The following MUS81 variants were observed in gnomAD, a reference collection of about 807,000 sequenced individuals.
The protein encoded by MUS81 is structure-specific endonuclease subunit MUS81.
MUS81 carries 69 observed loss-of-function variants against 74.2 expected under a neutral mutation model. The observed-to-expected ratio is 0.93, with a 90% CI of 0.77 to 1.14. MUS81 has a LOEUF of 1.14. Among genes scored for constraint, MUS81 ranks in the 50% most tolerant of loss-of-function variants. MUS81 has a pLI of 0.00. For missense variants in MUS81, 711 were observed against 726.5 expected (o/e 0.98, Z 0.25); for synonymous variants, 303 against 300.6 (o/e 1.01, Z -0.08).
intron 3 of MUS81, 50 bp from the exon 4 acceptor site, chr11:65,861,897 C>G (rs1859620151): frequency 1.4e-6 from 2 of 1,471,820 alleles, no homozygotes; most frequent in African/African-American, 2.8e-5. Flanking sequence ...GGGACTTATT[C>G]AAAGATGACT....
Position 65,861,931 on chromosome 11 carries a change from C to A in MUS81, c.352-16C>A, listed in dbSNP as rs779397880. The A allele has an allele frequency of 5.0e-6, 8 of 1,596,150 alleles. No individual in the cohort carries two copies. In the East Asian group the frequency reaches 1.8e-4, roughly 36 times the overall value. ...CTGGCTGGCTTTCATGTTCAGAACT[C>A]CTCTGTACCTTTCAGGTTCCTGCCC... On this transcript the variant is annotated splice_polypyrimidine_tract_variant and intron_variant, in intron 3 of 15. Transcript: ENST00000308110.
At position 65,861,588 on chromosome 11, in the gene MUS81, C is replaced by T; in HGVS notation, c.351+153C>T. On this transcript the variant is annotated intron_variant, in intron 3 of 15. Transcript: ENST00000308110. ...TCCTCTTTTCGACTTAGTATTTTAA[C>T]CTGTGAATAGAAATATTGGTAACAG... 6.2e-6 allele frequency: 4 copies of T among 640,900 alleles called. No individual in the cohort carries two copies. In the South Asian group the frequency reaches 7.8e-5, roughly 12 times the overall value. 39.7% of individuals were successfully genotyped at this position (640,900 alleles called of 1,614,324 possible).
downstream of MUS81, chr11:65,867,068 G>T: frequency 6.2e-7 from 1 of 1,614,096 alleles, no homozygotes; most frequent in Non-Finnish European, 8.5e-7. Flanking sequence ...TGGCGCTGAC[G>T]TTGTTGATTT....
chr11:65,863,373 G>A, intron 7 of MUS81, 37 bp from the exon 8 acceptor site: 2 of 1,612,460 alleles, frequency 1.2e-6, no homozygotes, highest in South Asian at 1.1e-5. Flanking sequence ...CCTGGCACAA[G>A]GGGTTCTGGC....
At chr11:65,865,360 T>C (rs1433317606) in intron 14 of MUS81, 37 bp downstream of exon 14, 1 of 1,578,568 alleles carries the variant, frequency 6.3e-7, no homozygotes, top group Admixed American at 1.8e-5. Context: ...CCTCAGCCCC[T>C]GCCCTCCATG....
Position 65,861,410 on chromosome 11 carries a change from C to T in MUS81, c.326C>T (p.Ala109Val), listed in dbSNP as rs1859599321. The change falls in exon 3 of 16, where the codon GCG becomes GTG. Residue 109 changes from alanine (A) to valine (V), a missense_variant. Coordinates refer to ENST00000308110, the MANE Select transcript of MUS81 (RefSeq NM_025128.5). ...ENSPAPQGRL[A>V]EVQDSSMPVP... ...AGTCCAGCCCCGCAGGGGCGACTTG[C>T]GGAAGTCCAGGACTCTTCCATGCCA... 6.2e-7 allele frequency: 1 copy of T among 1,604,012 alleles called. No homozygotes were observed. The highest frequency in any genetic ancestry group is 8.5e-7 in the Non-Finnish European group (1 of 1,174,426).
In MUS81 at chr11:65,861,057, T is replaced by C. The variant is rs1859580858; in HGVS notation, c.220T>C (p.Cys74Arg). The C allele has an allele frequency of 6.2e-7, 1 of 1,612,524 alleles. No individual in the cohort carries two copies. The highest frequency in any genetic ancestry group is 1.7e-5 in the Admixed American group (1 of 60,006). ...KILQHFGDGLCRMLDERLQRH... is the reference protein window; with the variant it reads ...KILQHFGDGLRRMLDERLQRH... ...CCTACAGCACTTCGGAGACGGGCTC[T>C]GCCGGATGCTGGACGAGCGGCTGCA... The change falls in exon 2 of 16, where the codon TGC becomes CGC. Residue 74 changes from cysteine (C) to arginine (R), a missense_variant. Transcript: ENST00000308110.
chr11:65,861,658 CAGTT>C (rs1251671534), intron 3 of MUS81: 2 of 603,308 alleles, frequency 3.3e-6, no homozygotes, highest in Non-Finnish European at 5.9e-6. Context: ...GATCCCAGCT[CAGTT>C]AGTTACGGGG....
In MUS81 at chr11:65,866,028, C is replaced by T; in HGVS notation, c.1632C>T (p.Tyr544=). 6.2e-7 allele frequency: 1 copy of T among 1,614,128 alleles called. No homozygotes were observed. The highest frequency in any genetic ancestry group is 1.1e-5 in the South Asian group (1 of 91,090). ...TGAGCAGGACCTTATCCCAGCTCTA[C>T]TGCAGCTACGGCCCCTTGACCTGAG... ...PALSRTLSQL[Y]CSYGPLT The change falls in exon 16 of 16, where the codon TAC becomes TAT. Residue 544 remains tyrosine, a synonymous_variant. Transcript: ENST00000308110.
intron 10 of MUS81, 112 bp from the exon 11 acceptor site, chr11:65,864,385 G>A (rs936982901): frequency 2.8e-5 from 26 of 938,396 alleles, no homozygotes; most frequent in Non-Finnish European, 3.7e-5. Flanking sequence ...AGGATGCAGA[G>A]GCTAACTGGT....
intron 12 of MUS81, 78 bp downstream of exon 12, chr11:65,864,893 A>G: frequency 1.3e-6 from 2 of 1,580,312 alleles, no homozygotes; most frequent in South Asian, 1.1e-5. Flanking sequence ...TGCATCCCCA[A>G]AAGAAGCAAG....
chr11:65,863,779 A>C (rs775603411), intron 9 of MUS81, 25 bp from the exon 10 acceptor site: 4 of 1,614,012 alleles, frequency 2.5e-6, no homozygotes, highest in Non-Finnish European at 3.4e-6. Context: ...AGGGGATCGC[A>C]AGCTAACGGC....
chr11:65,865,128 G>A lies in MUS81; in HGVS notation c.1384G>A (p.Gly462Arg), dbSNP rs2134738898. ...SLLTFSDFNA[G>R]AIKNKAQSVR... is the part of the protein sequence containing the mutation. ...CCTCACCTTCAGTGACTTCAACGCA[G>A]GAGCCATCAAGAATAAGGTACTGTC... The change falls in exon 13 of 16, where the codon GGA (glycine) becomes AGA (arginine). Residue 462 changes from glycine (G) to arginine (R), a missense_variant. Coordinates refer to ENST00000308110, the MANE Select transcript of MUS81 (RefSeq NM_025128.5). 3 of 1,614,206 alleles carry A rather than the reference G, an allele frequency of 1.9e-6. No individual in the cohort carries two copies. In the East Asian group the frequency reaches 6.7e-5, roughly 36 times the overall value.
chr11:65,860,776 G>A lies in MUS81; in HGVS notation c.23G>A (p.Gly8Asp). Reference protein sequence around the residue: MAAPVRLGRKRPLPACPN... With the variant: MAAPVRLDRKRPLPACPN... ...CTCATGGCGGCCCCGGTCCGCCTGG[G>A]CCGGAAGCGCCCGCTGCCTGCCTGT... Residue 8 changes from glycine to aspartate, a missense_variant, in exon 1 of 16, where the codon GGC (glycine) becomes GAC (aspartate). Coordinates refer to ENST00000308110, the MANE Select transcript of MUS81 (RefSeq NM_025128.5). The A allele has an allele frequency of 1.3e-6, 2 of 1,536,426 alleles. No homozygotes were observed. Among genetic ancestry groups the A allele is most frequent in the Non-Finnish European group, 1.7e-6 (2 of 1,146,088 alleles).
In MUS81 at chr11:65,866,230, T is replaced by C; in HGVS notation, c.*178T>C. The C allele has an allele frequency of 1.6e-6, 1 of 644,044 alleles. No homozygotes were observed. The highest frequency in any genetic ancestry group is 2.7e-6 in the Non-Finnish European group (1 of 377,124). The allele number at this position is 644,044 out of a possible 1,614,324, so 39.9% of individuals were successfully genotyped here. On this transcript the variant is annotated 3_prime_UTR_variant, in exon 16 of 16. Coordinates refer to ENST00000308110, the MANE Select transcript of MUS81 (RefSeq NM_025128.5). ...ATACGCAGGAACCAGGGATACCATCTGGTCCAGTGGTTTTTAAACAAAGCT... is the reference window on the plus strand; with the variant it reads ...ATACGCAGGAACCAGGGATACCATCCGGTCCAGTGGTTTTTAAACAAAGCT...
rs1276476327 is a variant in MUS81 at position 65,863,900 on chromosome 11, AG to A, written c.1059+1del. The A allele has an allele frequency of 6.2e-7, 1 of 1,614,062 alleles. No individual in the cohort carries two copies. Among genetic ancestry groups the A allele is most frequent in the East Asian group, 2.2e-5 (1 of 44,884 alleles). On this transcript the variant is annotated frameshift_variant and splice_region_variant, in exon 10 of 16. Coordinates refer to ENST00000308110, the MANE Select transcript of MUS81 (RefSeq NM_025128.5). LOFTEE classifies it high-confidence loss of function. ...SIIDGRFREQ[K>X]FRLKRCGLER... Reference sequence around the variant, plus strand: ...ATCGACGGCCGCTTCCGGGAGCAGAAGGTAATTTTGCTGGCTTTGCCAGGCT... The same window carrying A: ...ATCGACGGCCGCTTCCGGGAGCAGAAGTAATTTTGCTGGCTTTGCCAGGCT...
rs190264840 is a variant in MUS81, at chr11:65,866,384, G to A, written c.*332G>A. On this transcript the variant is annotated 3_prime_UTR_variant, in exon 16 of 16. Transcript: ENST00000308110. Reference sequence around the variant, plus strand: ...CTTAGGAGTGCAGAGGGCTCATTGGGAAAATAAAAATAATAAAAATAAATA... The same window carrying A: ...CTTAGGAGTGCAGAGGGCTCATTGGAAAAATAAAAATAATAAAAATAAATA... The A allele has an allele frequency of 1.4e-3, 859 of 634,306 alleles. 2 individuals are homozygous for A. The African/African-American group carries it at 0.014, about 11-fold the overall frequency. 39.3% of individuals were successfully genotyped at this position (634,306 alleles called of 1,614,324 possible). A position where few individuals can be genotyped will look rare whatever the true frequency, so the allele number is the denominator to read the frequency against.
chr11:65,864,368 G>A lies in MUS81; in HGVS notation c.1060-129G>A, dbSNP rs375435596. 5.1e-4 allele frequency: 404 copies of A among 787,038 alleles called. 2 individuals carry two copies. In the South Asian group the frequency reaches 6.1e-3, roughly 12 times the overall value. 48.8% of individuals were successfully genotyped at this position (787,038 alleles called of 1,614,324 possible). A position where few individuals can be genotyped will look rare whatever the true frequency, so the allele number is the denominator to read the frequency against. ...AGGCCCCTGTGAGGCAGGTGGAGAG[G>A]CTAGGGAGGATGCAGAGGCTAACTG... On this transcript the variant is annotated intron_variant, in intron 10 of 15. Coordinates refer to ENST00000308110, the MANE Select transcript of MUS81 (RefSeq NM_025128.5).
chr11:65,862,449 C>T lies in MUS81; in HGVS notation c.525C>T (p.Ala175=). 6.2e-7 allele frequency: 1 copy of T among 1,613,436 alleles called. No homozygotes were observed. The change falls in exon 6 of 16, where the codon GCC becomes GCT. Residue 175 remains alanine (A), a synonymous_variant. Transcript: ENST00000308110. The part of the protein sequence containing the change: ...QRCAQKSPRV[A]PGSARPWPAL... ...GTCTCTTTTCTGATCCACAGGTAGCCCCTGGGAGTGCTCGACCCTGGCCAG... is the reference window on the plus strand; with the variant it reads ...GTCTCTTTTCTGATCCACAGGTAGCTCCTGGGAGTGCTCGACCCTGGCCAG...
Sources: gnomAD v4.1 joint callset for allele counts on GRCh38, gnomAD v4.1.1 for gene constraint, MANE v1.5 for transcripts, NCBI Gene and HGNC (gene_info 2026-07-23, HGNC 2026-07-21) for gene names.